The following TCF7L1 variants were observed in gnomAD, a reference collection of about 807,000 sequenced individuals.
TCF7L1 encodes the protein transcription factor 7-like 1.
TCF7L1 carries 18 observed loss-of-function variants against 63.7 expected under a neutral mutation model. The ratio of observed to expected loss-of-function variants is 0.28; its 90% CI spans 0.20 to 0.42. The LOEUF (loss-of-function observed/expected upper bound fraction) is 0.42. Among genes scored for constraint, TCF7L1 ranks in the 10% least tolerant of loss-of-function variants. The pLI, the probability that TCF7L1 is intolerant of heterozygous loss-of-function variation, is 1.00. For synonymous variants in TCF7L1, 355 were observed against 340.9 expected, an observed-to-expected ratio of 1.04 and a Z score of -0.46; for missense variants, 654 against 779.3, an observed-to-expected ratio of 0.84 and a Z score of 1.91.
chr2:85,143,409 ATGGCTGCTCCGGCTGCTC>A (rs1677791911), intron 3 of TCF7L1, among the ~76,000 whole-genome samples: 1 of 152,166 alleles, frequency 6.6e-6, no homozygotes. Context: ...ATGAGGTAAA[ATGGCTGCTCCGGCTGCTC>A]TTTTTGGCTG....
chr2:85,244,797 G>T (rs1361092061), intron 3 of TCF7L1, among the ~76,000 whole-genome samples: 1 of 152,112 alleles, frequency 6.6e-6, no homozygotes, highest in Admixed American at 6.5e-5. Context: ...CCCTGAGACT[G>T]AAGCTGAGAA....
rs1364369630 is a variant in TCF7L1 at position 85,244,822 on chromosome 2, G to A, written c.442-38673G>A. On this transcript the variant is annotated intron_variant, in intron 3 of 11. Coordinates refer to ENST00000282111, the MANE Select transcript of TCF7L1 (RefSeq NM_031283.3). Reference sequence around the variant, plus strand: ...GAAGCTGAGAAAAAAAGAGGTCAAGGGCTGAGCCGTGGGCACTACAGCTTT... The same window carrying A: ...GAAGCTGAGAAAAAAAGAGGTCAAGAGCTGAGCCGTGGGCACTACAGCTTT... Among the ~76,000 whole-genome samples the A allele has an allele frequency of 2.6e-5, 4 of 152,082 alleles. No homozygotes were observed. The South Asian group carries it at 6.2e-4, about 24-fold the overall frequency.
rs376897697 is a variant in TCF7L1, at chr2:85,283,600, G to A, written c.525+22G>A. Reference sequence around the variant, plus strand: ...CTTGGTAAGTCTGTTTCACCTTAAAGCACCAAAGGGCCACTATTAGTGGCC... The same window carrying A: ...CTTGGTAAGTCTGTTTCACCTTAAAACACCAAAGGGCCACTATTAGTGGCC... On this transcript the variant is annotated intron_variant, in intron 4 of 11. Transcript: ENST00000282111. 6.2e-6 allele frequency: 10 copies of A among 1,613,492 alleles called. No individual in the cohort carries two copies. The South Asian group carries it at 9.9e-5, about 16-fold the overall frequency.
chr2:85,298,504 CAT>C lies in TCF7L1; in HGVS notation c.526-3979_526-3978del, dbSNP rs1208210746. On this transcript the variant is annotated intron_variant, in intron 4 of 11. Transcript: ENST00000282111. ...CTCAAAAAAAAAAAAAAAAAAAAAG[CAT>C]GTGAGAGAGGACACATGGCTTCCTA... 2.7e-3 allele frequency among the ~76,000 whole-genome samples: 306 copies of C among 112,908 alleles called. 1 individual carries two copies. The highest frequency in any genetic ancestry group is 5.3e-3 in the South Asian group (18 of 3,428). 74.1% of individuals were successfully genotyped at this position (112,908 alleles called of 152,430 possible).
At chr2:85,254,066 G>T (rs558105326) in intron 3 of TCF7L1, among the ~76,000 whole-genome samples, 1 of 152,254 alleles carries the variant, frequency 6.6e-6, no homozygotes, top group African/African-American at 2.4e-5. Flanking sequence ...GGCCTGGAGC[G>T]GGTGGGAGGG....
intron 3 of TCF7L1, among the ~76,000 whole-genome samples, chr2:85,250,557 C>A (rs1680564798): frequency 6.6e-6 from 1 of 152,118 alleles, no homozygotes; most frequent in Non-Finnish European, 1.5e-5. Context: ...GTGCCTCAGC[C>A]TCCTGAGTAG....
rs922386451 is a variant in TCF7L1 at position 85,139,920 on chromosome 2, G to T, written c.441+5470G>T. Reference sequence around the variant, plus strand: ...GTTAGGCTGGGAAGTGATGTGACTTGTACACATGGCTAGAAAGATAATGGT... The same window carrying T: ...GTTAGGCTGGGAAGTGATGTGACTTTTACACATGGCTAGAAAGATAATGGT... On this transcript the variant is annotated intron_variant, in intron 3 of 11. Transcript: ENST00000282111. 2.0e-5 allele frequency among the ~76,000 whole-genome samples: 3 copies of T among 152,194 alleles called. No individual in the cohort carries two copies. The South Asian group carries it at 6.2e-4, about 31-fold the overall frequency.
intron 3 of TCF7L1, among the ~76,000 whole-genome samples, chr2:85,235,495 C>A (rs529470535): frequency 2.0e-5 from 3 of 151,872 alleles, no homozygotes; most frequent in Non-Finnish European, 2.9e-5. Flanking sequence ...GGGAGCCCCA[C>A]CCCCTAGGCT....
At chr2:85,290,612 C>G (rs188343930) in intron 4 of TCF7L1, among the ~76,000 whole-genome samples, 2 of 152,242 alleles carry the variant, frequency 1.3e-5, no homozygotes, top group African/African-American at 4.8e-5. Flanking sequence ...GTCAGCTTAG[C>G]TTGGTATGAA....
intron 3 of TCF7L1, among the ~76,000 whole-genome samples, chr2:85,200,534 T>A (rs982264989): frequency 1.3e-5 from 2 of 152,220 alleles, no homozygotes; most frequent in African/African-American, 4.8e-5. Flanking sequence ...ATTGTTTGTC[T>A]GAAATGACAG....
chr2:85,227,984 CCT>C (rs1300642726), intron 3 of TCF7L1, among the ~76,000 whole-genome samples: 1 of 138,940 alleles, frequency 7.2e-6, no homozygotes, highest in African/African-American at 2.8e-5. Flanking sequence ...AGAGCAAGAC[CCT>C]GTCTCCAAAA....
chr2:85,172,883 GA>G (rs1678583105), intron 3 of TCF7L1, among the ~76,000 whole-genome samples: 1 of 151,972 alleles, frequency 6.6e-6, no homozygotes. Flanking sequence ...CCCTCTCCTG[GA>G]TTTATTTGAG....
rs548750979 is a variant in TCF7L1 at position 85,276,308 on chromosome 2, T to C, written c.442-7187T>C. On this transcript the variant is annotated intron_variant, in intron 3 of 11. Coordinates refer to ENST00000282111, the MANE Select transcript of TCF7L1 (RefSeq NM_031283.3). The stretch of plus-strand genomic sequence containing the variant: ...AACAGGTCTCCAAGAACTGGCCAAG[T>C]TGGGCATCCCAGCCTCCATGCTACA... Among the ~76,000 whole-genome samples the C allele has an allele frequency of 4.7e-4, 72 of 152,340 alleles. 1 individual carries two copies. Among genetic ancestry groups the C allele is most frequent in the Admixed American group, 4.1e-3 (62 of 15,300 alleles).
chr2:85,307,375 AG>A (rs1682140676), intron 10 of TCF7L1, among the ~76,000 whole-genome samples: 1 of 152,232 alleles, frequency 6.6e-6, no homozygotes, highest in African/African-American at 2.4e-5. Context: ...ACAGAAAAAC[AG>A]AGTCTGAAGG....
chr2:85,203,057 G>C (rs1558632569), intron 3 of TCF7L1, among the ~76,000 whole-genome samples: 1 of 152,066 alleles, frequency 6.6e-6, no homozygotes, highest in Admixed American at 6.6e-5. Flanking sequence ...GGATGGTCTT[G>C]ATCTCCTGAC....
At chr2:85,191,197 A>G (rs1679033336) in intron 3 of TCF7L1, among the ~76,000 whole-genome samples, 3 of 152,180 alleles carry the variant, frequency 2.0e-5, no homozygotes, top group Non-Finnish European at 4.4e-5. Context: ...AAGCTTTCCT[A>G]CTTGTCACAT....
intron 4 of TCF7L1, among the ~76,000 whole-genome samples, chr2:85,296,208 A>G (rs1457769863): frequency 6.6e-6 from 1 of 152,158 alleles, no homozygotes; most frequent in African/African-American, 2.4e-5. Context: ...CATGGATTAC[A>G]TGTAGCCCTC....
chr2:85,260,785 A>T (rs537477702), intron 3 of TCF7L1, among the ~76,000 whole-genome samples: 1 of 152,364 alleles, frequency 6.6e-6, no homozygotes, highest in East Asian at 1.9e-4. Context: ...AAGGGGAAAA[A>T]GATACAGAAG....
intron 3 of TCF7L1, among the ~76,000 whole-genome samples, chr2:85,269,949 C>T (rs1384338545): frequency 6.6e-6 from 1 of 152,142 alleles, no homozygotes; most frequent in Non-Finnish European, 1.5e-5. Flanking sequence ...TCTTGTTCAC[C>T]TGTGGGGTCG....
Sources: gnomAD v4.1 joint callset for allele counts (sites outside exome capture counted in the v4.1 genomes callset) on GRCh38, gnomAD v4.1.1 for gene constraint, MANE v1.5 for transcripts, NCBI Gene and HGNC (gene_info 2026-07-23, HGNC 2026-07-21) for gene names.